The following EML4 variants were observed in gnomAD, a reference collection of about 807,000 sequenced individuals.
EML4 encodes echinoderm microtubule-associated protein-like 4.
A neutral mutation model predicts 129.0 loss-of-function variants in EML4; 72 were observed. That is an observed-to-expected ratio of 0.56 (90% CI 0.46 to 0.68). The LOEUF (loss-of-function observed/expected upper bound fraction) is 0.68, where lower values mean the gene tolerates loss of function less well. Ranked by LOEUF, EML4 falls within the 30% of genes least tolerant of loss-of-function variation. EML4 has a pLI of 0.00. For synonymous variants in EML4, 532 were observed against 405.0 expected (o/e 1.31, Z -3.77); for missense variants, 1,363 against 1,190.6 (o/e 1.14, Z -2.13).
Position 42,329,935 on chromosome 2 carries a change from G to C in EML4, c.2674G>C (p.Val892Leu). Residue 892 changes from valine (V) to leucine (L), a missense_variant, in exon 23 of 23, where the codon GTC (valine) becomes CTC (leucine). Physicochemically the swap from Val to Leu is conservative, Grantham distance 32. Coordinates refer to ENST00000318522, the MANE Select transcript of EML4 (RefSeq NM_019063.5). Reference sequence around the variant, plus strand: ...AGCCCCCGTCTCTTCCACTGAAAGTGTCATCCAATCTAATACTCCCACACC... The same window carrying C: ...AGCCCCCGTCTCTTCCACTGAAAGTCTCATCCAATCTAATACTCCCACACC... ...TKAPVSSTES[V>L]IQSNTPTPPP... The C allele has an allele frequency of 6.2e-7, 1 of 1,614,040 alleles. No homozygotes were observed. The highest frequency in any genetic ancestry group is 8.5e-7 in the Non-Finnish European group (1 of 1,180,020).
At chr2:42,223,441 C>G (rs932186963) in intron 1 of EML4, among the ~76,000 whole-genome samples, 1 of 152,096 alleles carries the variant, frequency 6.6e-6, no homozygotes, top group Non-Finnish European at 1.5e-5. Flanking sequence ...TCATTTGAAC[C>G]TGTAAAGACA....
At chr2:42,204,936 A>G (rs145793224) in intron 1 of EML4, among the ~76,000 whole-genome samples, 239 of 152,300 alleles carry the variant, frequency 1.6e-3, no homozygotes, top group South Asian at 6.8e-3. Context: ...GGGTCCCTTT[A>G]ATATTACAGT....
In EML4 at chr2:42,315,986, C is replaced by T. The variant is rs1026831160; in HGVS notation, c.1992C>T (p.Thr664=). 1.9e-6 allele frequency: 3 copies of T among 1,612,774 alleles called. No homozygotes were observed. Among genetic ancestry groups the T allele is most frequent in the African/African-American group, 1.3e-5 (1 of 74,798 alleles). The change falls in exon 18 of 23, where the codon ACC becomes ACT. Residue 664 remains threonine, a synonymous_variant. Coordinates refer to ENST00000318522, the MANE Select transcript of EML4 (RefSeq NM_019063.5). The part of the protein sequence containing the change: ...SGRWFVLDAE[T]RDLVSIHTDG... ...GGTGGTTTGTTCTGGATGCAGAAAC[C>T]AGAGATCTAGTTTCTATCCACACAG... is the stretch of plus-strand genomic sequence containing the variant.
At chr2:42,199,902 A>T (rs974937637) in intron 1 of EML4, among the ~76,000 whole-genome samples, 7 of 152,186 alleles carry the variant, frequency 4.6e-5, no homozygotes, top group Non-Finnish European at 1.0e-4. Flanking sequence ...CATTTGCTTT[A>T]AAGGATAAGT....
At chr2:42,281,384 C>G (rs1319110327) in intron 7 of EML4, among the ~76,000 whole-genome samples, 1 of 143,722 alleles carries the variant, frequency 7.0e-6, no homozygotes, top group Non-Finnish European at 1.5e-5. Flanking sequence ...CCGGGGAAAA[C>G]TCTGTCTCAA....
chr2:42,234,557 T>A (rs1470799468), intron 1 of EML4, among the ~76,000 whole-genome samples: 1 of 152,170 alleles, frequency 6.6e-6, no homozygotes, highest in Non-Finnish European at 1.5e-5. Flanking sequence ...GATTCCTTGC[T>A]CCCTCCATTA....
At chr2:42,262,834 A>G (rs899084433) in intron 4 of EML4, among the ~76,000 whole-genome samples, 11 of 152,226 alleles carry the variant, frequency 7.2e-5, no homozygotes, top group Admixed American at 3.3e-4. Context: ...ATAAAATTCA[A>G]TGGCTATGAA....
chr2:42,248,133 C>A (rs563398458), intron 2 of EML4, among the ~76,000 whole-genome samples: 1 of 152,156 alleles, frequency 6.6e-6, no homozygotes, highest in Admixed American at 6.6e-5. Flanking sequence ...CCACCATGCC[C>A]TGCTAAAACC....
intron 13 of EML4, among the ~76,000 whole-genome samples, chr2:42,295,851 G>T (rs550410240): frequency 1.3e-5 from 2 of 152,310 alleles, no homozygotes; most frequent in South Asian, 4.1e-4. Context: ...AGAGCAGAAT[G>T]CATGGCCATG....
intron 13 of EML4, among the ~76,000 whole-genome samples, chr2:42,296,975 A>G (rs946648479): frequency 2.6e-5 from 4 of 152,220 alleles, no homozygotes; most frequent in African/African-American, 9.6e-5. Flanking sequence ...TTTCAAATCC[A>G]TTCACCTGAA....
chr2:42,227,346 A>G (rs780722860), intron 1 of EML4, among the ~76,000 whole-genome samples: 9 of 152,136 alleles, frequency 5.9e-5, no homozygotes, highest in South Asian at 4.2e-4. Context: ...GCCTCAAGCA[A>G]TGCTCCCACC....
At chr2:42,216,858 T>G (rs1045064777) in intron 1 of EML4, among the ~76,000 whole-genome samples, 1 of 152,170 alleles carries the variant, frequency 6.6e-6, no homozygotes, top group African/African-American at 2.4e-5. Context: ...TATCCAAAGT[T>G]TATCCTACCC....
At chr2:42,288,205 C>T (rs1667419852) in intron 10 of EML4, 22 bp from the exon 11 acceptor site, 9 of 1,035,218 alleles carry the variant, frequency 8.7e-6, no homozygotes, top group African/African-American at 1.6e-5. Context: ...TTTTAAAATG[C>T]CTCTGATTGA....
At chr2:42,259,148 G>GCAGC (rs1665546589) in intron 3 of EML4, among the ~76,000 whole-genome samples, 8 of 151,992 alleles carry the variant, frequency 5.3e-5, no homozygotes, top group Non-Finnish European at 1.2e-4. Flanking sequence ...TGGGGAAGCT[G>GCAGC]AGGTGGGAGA....
Position 42,303,300 on chromosome 2 carries a change from G to A in EML4, c.1768-15G>A, listed in dbSNP as rs1276285851. Reference sequence around the variant, plus strand: ...TTCTTTGGTTCTTATAACAATGAGTGTCTTTCATTTTCAGGGTCATACAGA... The same window carrying A: ...TTCTTTGGTTCTTATAACAATGAGTATCTTTCATTTTCAGGGTCATACAGA... On this transcript the variant is annotated splice_polypyrimidine_tract_variant and intron_variant, in intron 15 of 22. Coordinates refer to ENST00000318522, the MANE Select transcript of EML4 (RefSeq NM_019063.5). 3 of 1,613,948 alleles carry A rather than the reference G, an allele frequency of 1.9e-6. No homozygotes were observed. The highest frequency in any genetic ancestry group is 1.1e-5 in the South Asian group (1 of 91,068).
chr2:42,282,970 ATGGT>A lies in EML4; in HGVS notation c.941+3_941+6del, dbSNP rs1342018996. 2 of 1,601,662 alleles carry A rather than the reference ATGGT, an allele frequency of 1.2e-6. No individual in the cohort carries two copies. The highest frequency in any genetic ancestry group is 2.7e-5 in the African/African-American group (2 of 74,230). ...ACCTGGGCCATACAGACTGTGTGAAATGGTTGGTATCATTTAACATTGGTTCATT... is the reference window on the plus strand; with the variant it reads ...ACCTGGGCCATACAGACTGTGTGAAATGGTATCATTTAACATTGGTTCATT... On this transcript the variant is annotated splice_donor_variant and coding_sequence_variant, in exon 8 of 23. Transcript: ENST00000318522. LOFTEE classifies it high-confidence loss of function.
chr2:42,300,469 C>CA (rs1668220057), intron 13 of EML4, among the ~76,000 whole-genome samples: 1 of 152,194 alleles, frequency 6.6e-6, no homozygotes, highest in Non-Finnish European at 1.5e-5. Context: ...GGGTACTTAA[C>CA]AAAGTGTGCT....
At chr2:42,185,589 C>T (rs1377345833) in intron 1 of EML4, among the ~76,000 whole-genome samples, 1 of 152,036 alleles carries the variant, frequency 6.6e-6, no homozygotes, top group African/African-American at 2.4e-5. Flanking sequence ...AGCATGGGGT[C>T]ATTGGGGAAC....
chr2:42,289,803 C>T (rs1273322099), intron 11 of EML4: 1 of 150,872 alleles, frequency 6.6e-6, no homozygotes, highest in African/African-American at 2.4e-5. Context: ...GGTAGTCACT[C>T]ACACCTGTAA....
Sources: gnomAD v4.1 joint callset for allele counts (sites outside exome capture counted in the v4.1 genomes callset) on GRCh38, gnomAD v4.1.1 for gene constraint, MANE v1.5 for transcripts, NCBI Gene and HGNC (gene_info 2026-07-23, HGNC 2026-07-21) for gene names.